POLK: variants seen among roughly 807,000 people sequenced by gnomAD.
POLK encodes the protein DNA polymerase kappa, also known as polymerase (DNA directed) kappa.
In POLK, 76 loss-of-function variants were observed where a neutral mutation model predicts 94.0. The observed-to-expected ratio is 0.81, with a 90% CI of 0.67 to 0.98. POLK has a LOEUF of 0.98. Ranked by LOEUF, POLK falls within the 50% of genes least tolerant of loss-of-function variation. The pLI is 0.00. For synonymous variants in POLK, 349 were observed against 325.4 expected, an observed-to-expected ratio of 1.07 and a Z score of -0.78; for missense variants, 954 against 1,010.1, an observed-to-expected ratio of 0.94 and a Z score of 0.75.
At chr5:75,583,271 A>G (rs1438391450) in intron 7 of POLK, 22 bp from the exon 8 acceptor site, 1 of 1,556,960 alleles carries the variant, frequency 6.4e-7, no homozygotes, top group African/African-American at 1.4e-5. Flanking sequence ...TCTTTGAGTC[A>G]TCAGAGTATT....
At chr5:75,582,270 C>A in intron 7 of POLK, 1 of 271,130 alleles carries the variant, frequency 3.7e-6, no homozygotes, top group Non-Finnish European at 5.7e-6. Flanking sequence ...GGACCCTGAA[C>A]TATCTTGTAA....
At chr5:75,526,683 T>C (rs1004030103) in intron 1 of POLK, among the ~76,000 whole-genome samples, 1 of 150,978 alleles carries the variant, frequency 6.6e-6, no homozygotes, top group African/African-American at 2.4e-5. Flanking sequence ...CCAGGTTCAA[T>C]TGATTCTCGT....
chr5:75,528,173 T>C lies in POLK; in HGVS notation c.-14+16259T>C, dbSNP rs369807907. 3.9e-5 allele frequency among the ~76,000 whole-genome samples: 6 copies of C among 152,028 alleles called. No individual in the cohort carries two copies. The East Asian group carries it at 7.7e-4, about 20-fold the overall frequency. On this transcript the variant is annotated intron_variant, in intron 1 of 14. Coordinates refer to ENST00000241436, the Ensembl canonical transcript of POLK. ...GATGAAATCTACTATGTCTAAAATA[T>C]ATAGATGATACATTTATACTCCATG... is the stretch of plus-strand genomic sequence containing the variant.
rs746344183 is a variant in POLK at position 75,596,837 on chromosome 5, G to A, written c.2144G>A (p.Ser715Asn). The A allele has an allele frequency of 8.7e-6, 14 of 1,612,140 alleles. No individual in the cohort carries two copies. The highest frequency in any genetic ancestry group is 6.6e-5 in the South Asian group (6 of 91,046). ...ATAGATAACTCATCTAAAGCAGAAA[G>A]CATAGATGCTTTAAGTAATAAGCAT... is the stretch of plus-strand genomic sequence containing the variant. Residue 715 changes from serine (S) to asparagine (N), a missense_variant, in exon 13 of 15, where the codon AGC becomes AAC. Transcript: ENST00000241436.
chr5:75,524,686 A>G (rs778427278), intron 1 of POLK, among the ~76,000 whole-genome samples: 3 of 152,182 alleles, frequency 2.0e-5, no homozygotes, highest in Admixed American at 2.0e-4. Context: ...GAGGGTATCA[A>G]ACTTTGACAA....
intron 1 of POLK, among the ~76,000 whole-genome samples, chr5:75,535,363 C>T (rs1230223585): frequency 1.3e-5 from 2 of 152,152 alleles, no homozygotes; most frequent in African/African-American, 4.8e-5. Context: ...GGTGCCCTCC[C>T]TCTTCTTTCT....
chr5:75,511,330 G>C (rs753522307), upstream of POLK: 112 of 1,546,930 alleles, frequency 7.2e-5, no homozygotes, highest in Middle Eastern at 1.7e-4. Context: ...TCCGGTGTGG[G>C]GGGGAGCAGG....
chr5:75,581,975 G>A (rs752194569), intron 7 of POLK: 12 of 980,336 alleles, frequency 1.2e-5, no homozygotes, highest in South Asian at 9.4e-5. Context: ...CACCGCGCCC[G>A]ACTCATAAAT....
chr5:75,608,535 T>A, the POLK span, among the ~76,000 whole-genome samples: 1 of 152,176 alleles, frequency 6.6e-6, no homozygotes, highest in African/African-American at 2.4e-5. Flanking sequence ...GAAGTTTACA[T>A]TCTAGTTGTG....
At chr5:75,590,524 A>G (rs1435148762) in intron 11 of POLK, 84 bp downstream of exon 11, 2 of 786,592 alleles carry the variant, frequency 2.5e-6, no homozygotes, top group East Asian at 2.5e-5. Context: ...TAGATTACAC[A>G]TTTCTTAAAG....
intron 4 of POLK, 50 bp downstream of exon 4, chr5:75,569,542 A>G (rs776079175): frequency 2.9e-5 from 43 of 1,465,196 alleles, no homozygotes; most frequent in Non-Finnish European, 4.0e-5. Flanking sequence ...TACTCAAGTA[A>G]GCTTTACTGT....
chr5:75,593,561 A>G (rs372005736), intron 11 of POLK, among the ~76,000 whole-genome samples: 19 of 152,196 alleles, frequency 1.2e-4, no homozygotes, highest in Admixed American at 2.0e-4. Context: ...ATACAGAATA[A>G]TGTATTCTGG....
the POLK span, among the ~76,000 whole-genome samples, chr5:75,606,929 C>A: frequency 6.3e-4 from 96 of 152,030 alleles, no homozygotes; most frequent in African/African-American, 2.2e-3. Flanking sequence ...AGAGCTCAAG[C>A]AGAAAATGTA....
chr5:75,583,354 A>G lies in POLK; in HGVS notation c.996A>G (p.Gln332=), dbSNP rs752766799. Residue 332 remains glutamine (Q), a synonymous_variant, in exon 8 of 15, where the codon CAA becomes CAG. Transcript: ENST00000241436. ...GTGATAAGAATAAACCAAATGGACA[A>G]TACCAAATTCTTCCCAATAGACAAG... 10 of 1,605,460 alleles carry G rather than the reference A, an allele frequency of 6.2e-6. No individual in the cohort carries two copies. In the Admixed American group the frequency reaches 6.7e-5, roughly 11 times the overall value.
intron 1 of POLK, among the ~76,000 whole-genome samples, chr5:75,537,147 C>T (rs1360312289): frequency 1.3e-5 from 2 of 152,208 alleles, no homozygotes; most frequent in Non-Finnish European, 1.5e-5. Flanking sequence ...ACTGCAGTGG[C>T]GGCCTCTATT....
chr5:75,601,613 T>G (rs1773298095), downstream of POLK, among the ~76,000 whole-genome samples: 1 of 152,200 alleles, frequency 6.6e-6, no homozygotes, highest in Non-Finnish European at 1.5e-5. Flanking sequence ...TCTTCTGGCC[T>G]CCGTCTTTCT....
chr5:75,516,137 T>C (rs545838111), intron 1 of POLK, among the ~76,000 whole-genome samples: 8 of 152,360 alleles, frequency 5.3e-5, no homozygotes, highest in Admixed American at 6.5e-5. Flanking sequence ...CCTTGTCAGA[T>C]GGATAGTTTG....
chr5:75,593,332 A>G (rs1462867529), intron 11 of POLK, among the ~76,000 whole-genome samples: 2 of 151,910 alleles, frequency 1.3e-5, no homozygotes, highest in African/African-American at 4.8e-5. Flanking sequence ...GGGTTTCACC[A>G]TGTTGGCCAG....
intron 12 of POLK, among the ~76,000 whole-genome samples, chr5:75,595,296 A>C (rs1308763348): frequency 2.0e-5 from 3 of 150,428 alleles, no homozygotes; most frequent in African/African-American, 7.4e-5. Flanking sequence ...ATATCTATAG[A>C]AGCTTAATTC....
Sources: gnomAD v4.1 joint callset for allele counts (sites outside exome capture counted in the v4.1 genomes callset) on GRCh38, gnomAD v4.1.1 for gene constraint, MANE v1.5 for transcripts, NCBI Gene and HGNC (gene_info 2026-07-23, HGNC 2026-07-21) for gene names.